The following ICE2 variants were observed in gnomAD, a reference collection of about 807,000 sequenced individuals.
The protein encoded by ICE2 is interactor of little elongation complex ELL subunit 2.
A neutral mutation model predicts 105.4 loss-of-function variants in ICE2; 87 were observed. That is an observed-to-expected ratio of 0.83 (90% confidence interval 0.69 to 0.99). The LOEUF is 0.99. ICE2 is among the 50% of genes least tolerant of loss of function. ICE2 has a pLI of 0.00. For synonymous variants in ICE2, 399 were observed against 392.0 expected (o/e 1.02, Z -0.21); for missense variants, 1,323 against 1,146.7 (o/e 1.15, Z -2.22).
chr15:60,462,272 CTGGGGTGG>C (rs2064300131), intron 5 of ICE2, among the ~76,000 whole-genome samples: 1 of 152,052 alleles, frequency 6.6e-6, no homozygotes, highest in Non-Finnish European at 1.5e-5. Context: ...GCATTAACAG[CTGGGGTGG>C]TGGGGAAAAT....
chr15:60,439,568 A>T (rs1203265607), intron 12 of ICE2: 1 of 152,088 alleles, frequency 6.6e-6, no homozygotes, highest in African/African-American at 2.4e-5. Flanking sequence ...TTTTAAGTAG[A>T]GACAGGGTTT....
At chr15:60,462,758 T>C (rs1375595429) in intron 5 of ICE2, among the ~76,000 whole-genome samples, 2 of 152,116 alleles carry the variant, frequency 1.3e-5, no homozygotes, top group African/African-American at 4.8e-5. Flanking sequence ...TATACATATA[T>C]ATATATGTCT....
At chr15:60,464,726 A>G (rs1213622545) in intron 5 of ICE2, among the ~76,000 whole-genome samples, 1 of 152,124 alleles carries the variant, frequency 6.6e-6, no homozygotes, top group African/African-American at 2.4e-5. Context: ...CCACTGTAGA[A>G]CTTTGTAAAG....
chr15:60,474,052 G>T (rs12917392), intron 3 of ICE2, among the ~76,000 whole-genome samples: 10,074 of 152,120 alleles, frequency 0.066, 424 homozygotes, highest in Middle Eastern at 0.12. Context: ...CTATAGGTAT[G>T]TGCCACTACA....
intron 11 of ICE2, among the ~76,000 whole-genome samples, chr15:60,444,928 A>C (rs1595769088): frequency 6.6e-6 from 1 of 152,074 alleles, no homozygotes; most frequent in Non-Finnish European, 1.5e-5. Flanking sequence ...CAGCTGATCT[A>C]CCTGCCTTGG....
Position 60,477,985 on chromosome 15 carries a change from G to C in ICE2, c.-8C>G, listed in dbSNP as rs375557310. On this transcript the variant is annotated 5_prime_UTR_variant, in exon 2 of 16. In the 5' UTR this introduces an upstream ATG that the reference lacks. Transcript: ENST00000261520. The stretch of plus-strand genomic sequence containing the variant: ...GACCATCTTGGAGCTCATCTTCCTA[G>C]ATTTCTGCTTCACTCTAGCTCACAG... The C allele has an allele frequency of 3.1e-6, 5 of 1,613,724 alleles. No homozygotes were observed. Among genetic ancestry groups the C allele is most frequent in the Non-Finnish European group, 4.2e-6 (5 of 1,179,830 alleles).
rs773180860 is a variant in ICE2 at position 60,476,163 on chromosome 15, T to C, written c.46A>G (p.Ile16Val). Residue 16 changes from isoleucine to valine, a missense_variant, in exon 3 of 16, where the codon ATT becomes GTT. Ile to Val is a conservative substitution (Grantham distance 29). Coordinates refer to ENST00000261520, the MANE Select transcript of ICE2 (RefSeq NM_024611.6). ...VISEPGLNWD[I>V]SPKNGLKTFF... ...GTCTTAAGGCCATTTTTGGGGGAAA[T>C]ATCCCTGTGAAACAAAGTAATTTAC... 1 of 1,586,644 alleles carries C rather than the reference T, an allele frequency of 6.3e-7. No individual in the cohort carries two copies. Among genetic ancestry groups the C allele is most frequent in the South Asian group, 1.1e-5 (1 of 88,476 alleles).
Position 60,449,750 on chromosome 15 carries a change from A to G in ICE2, c.1217T>C (p.Phe406Ser), listed in dbSNP as rs2063916839. ...TGATACTTTGGTGGTGGTTACTCCA[A>G]AAGTTTCAAGTTCTGTGACATCATC... ...FDDDVTELET[F>S]GVTTTKVSKS... is the part of the protein sequence containing the mutation. The change falls in exon 10 of 16, where the codon TTT becomes TCT. Residue 406 changes from phenylalanine (F) to serine (S), a missense_variant. Transcript: ENST00000261520. 1.2e-6 allele frequency: 2 copies of G among 1,614,036 alleles called. No individual in the cohort carries two copies. The highest frequency in any genetic ancestry group is 1.7e-6 in the Non-Finnish European group (2 of 1,180,034).
chr15:60,459,676 C>T (rs1358699827), intron 5 of ICE2, among the ~76,000 whole-genome samples: 1 of 151,982 alleles, frequency 6.6e-6, no homozygotes, highest in Non-Finnish European at 1.5e-5. Context: ...AGCATTACAA[C>T]AAAAATAGCA....
Position 60,466,581 on chromosome 15 carries a change from GTTGT to G in ICE2, c.528+9_528+12del. On this transcript the variant is annotated intron_variant, in intron 5 of 15. Transcript: ENST00000261520. Reference sequence around the variant, plus strand: ...CACTTCGCAATTTACACAAATGTGAGTTGTTTTTTTACCTCTGTGAAGAGACGGG... The same window carrying G: ...CACTTCGCAATTTACACAAATGTGAGTTTTTTACCTCTGTGAAGAGACGGG... The G allele has an allele frequency of 6.2e-7, 1 of 1,608,528 alleles. No homozygotes were observed. Among genetic ancestry groups the G allele is most frequent in the Non-Finnish European group, 8.5e-7 (1 of 1,179,118 alleles).
At chr15:60,429,299 T>C (rs2063404262) in intron 14 of ICE2, among the ~76,000 whole-genome samples, 1 of 152,204 alleles carries the variant, frequency 6.6e-6, no homozygotes, top group African/African-American at 2.4e-5. Context: ...ACAATAAACC[T>C]TCAAGGCATA....
At chr15:60,474,421 C>T (rs1415300588) in intron 3 of ICE2, among the ~76,000 whole-genome samples, 1 of 152,000 alleles carries the variant, frequency 6.6e-6, no homozygotes, top group African/African-American at 2.4e-5. Flanking sequence ...GGAACGGAAA[C>T]AAGCTAAATA....
chr15:60,446,930 TAAA>T (rs2063834803), intron 11 of ICE2, among the ~76,000 whole-genome samples: 1 of 152,094 alleles, frequency 6.6e-6, no homozygotes, highest in African/African-American at 2.4e-5. Context: ...CAAGAAAAAT[TAAA>T]GGAAACACAC....
At chr15:60,439,579 C>T (rs1032185030) in intron 12 of ICE2, 2 of 152,118 alleles carry the variant, frequency 1.3e-5, no homozygotes, top group African/African-American at 4.8e-5. Flanking sequence ...GACAGGGTTT[C>T]ACCATGTTGG....
intron 5 of ICE2, among the ~76,000 whole-genome samples, chr15:60,463,662 A>C (rs1449311800): frequency 6.6e-6 from 1 of 152,244 alleles, no homozygotes; most frequent in Non-Finnish European, 1.5e-5. Context: ...AATCCCAGCT[A>C]CTTGGAAGGC....
At chr15:60,440,610 G>A (rs988948653) in intron 12 of ICE2, 1 of 152,166 alleles carries the variant, frequency 6.6e-6, no homozygotes, top group Non-Finnish European at 1.5e-5. Flanking sequence ...ACCTGAGAAA[G>A]TCTTAGGTCC....
chr15:60,443,658 A>G (rs1309590187), intron 11 of ICE2, among the ~76,000 whole-genome samples: 1 of 152,236 alleles, frequency 6.6e-6, no homozygotes, highest in Non-Finnish European at 1.5e-5. Context: ...TAAGGCCTCC[A>G]GTGTGTCTTC....
At chr15:60,461,982 G>T (rs1418535809) in intron 5 of ICE2, among the ~76,000 whole-genome samples, 2 of 152,000 alleles carry the variant, frequency 1.3e-5, no homozygotes, top group Non-Finnish European at 2.9e-5. Context: ...GTAGTGGACA[G>T]AAACACATAT....
intron 12 of ICE2, among the ~76,000 whole-genome samples, chr15:60,436,575 C>T (rs77607509): frequency 1.3e-5 from 2 of 151,722 alleles, no homozygotes; most frequent in South Asian, 2.1e-4. Flanking sequence ...ATTAGCCAGG[C>T]GTAGTGGCGG....
Sources: gnomAD v4.1 joint callset for allele counts (sites outside exome capture counted in the v4.1 genomes callset) on GRCh38, gnomAD v4.1.1 for gene constraint, MANE v1.5 for transcripts, NCBI Gene and HGNC (gene_info 2026-07-23, HGNC 2026-07-21) for gene names.